DOK5: variants seen among roughly 807,000 people sequenced by gnomAD.
DOK5 encodes docking protein 5.
A neutral mutation model predicts 43.3 loss-of-function variants in DOK5; 27 were observed. The observed-to-expected ratio is 0.62, with a 90% CI of 0.46 to 0.86. The LOEUF (loss-of-function observed/expected upper bound fraction) is 0.86. Among genes scored for constraint, DOK5 ranks in the 40% least tolerant of loss-of-function variants. The pLI, the probability that DOK5 is intolerant of heterozygous loss-of-function variation, is 0.00. For missense variants in DOK5, 373 were observed against 392.9 expected, an observed-to-expected ratio of 0.95 and a Z score of 0.43; for synonymous variants, 146 against 140.1, an observed-to-expected ratio of 1.04 and a Z score of -0.30.
intron 6 of DOK5, among the ~76,000 whole-genome samples, chr20:54,632,981 G>A (rs893528770): frequency 2.6e-5 from 4 of 152,186 alleles, no homozygotes; most frequent in African/African-American, 9.7e-5. Context: ...TGAGGCAGGA[G>A]AATCGCTTGA....
At chr20:54,477,045 G>A (rs1362205864) in intron 1 of DOK5, among the ~76,000 whole-genome samples, 3 of 151,452 alleles carry the variant, frequency 2.0e-5, no homozygotes, top group Non-Finnish European at 4.4e-5. Context: ...TGGGGGTGGA[G>A]AGGTGGCGGG....
chr20:54,642,689 C>T (rs1264968780), intron 6 of DOK5, among the ~76,000 whole-genome samples: 1 of 152,008 alleles, frequency 6.6e-6, no homozygotes, highest in Non-Finnish European at 1.5e-5. Context: ...TGCTACCACA[C>T]TCCAGCCTTG....
intron 6 of DOK5, among the ~76,000 whole-genome samples, chr20:54,619,023 T>TTATATA (rs11468808): frequency 1.3e-3 from 55 of 43,366 alleles, no homozygotes; most frequent in East Asian, 2.3e-3. Flanking sequence ...TTTCAATAAA[T>TTATATA]TATATATATA....
At position 54,529,512 on chromosome 20, in the gene DOK5, C is replaced by T. The variant is rs375606090; in HGVS notation, c.67-25421C>T. Among the ~76,000 whole-genome samples the T allele has an allele frequency of 1.0e-4, 15 of 150,602 alleles. No individual in the cohort carries two copies. In the East Asian group the frequency reaches 2.5e-3, roughly 25 times the overall value. ...CATTCTGTAATTATTTTGAATTTTA[C>T]CCCCAACAACAAGTTTATAAGGGTG... On this transcript the variant is annotated intron_variant, in intron 1 of 7. Transcript: ENST00000262593.
intron 1 of DOK5, among the ~76,000 whole-genome samples, chr20:54,529,051 G>C (rs1445480064): frequency 6.6e-6 from 1 of 152,142 alleles, no homozygotes; most frequent in Non-Finnish European, 1.5e-5. Context: ...CCTGAGCAGG[G>C]AGAGACAACC....
chr20:54,560,977 T>C (rs1191079984), intron 2 of DOK5, among the ~76,000 whole-genome samples: 2 of 152,158 alleles, frequency 1.3e-5, no homozygotes, highest in Non-Finnish European at 2.9e-5. Context: ...CAGGATCCAT[T>C]CTGTTATTCA....
chr20:54,592,723 A>G (rs1346360881), intron 5 of DOK5, among the ~76,000 whole-genome samples: 1 of 151,792 alleles, frequency 6.6e-6, no homozygotes, highest in Non-Finnish European at 1.5e-5. Flanking sequence ...TTGTATTTTC[A>G]GTAGAGATGG....
chr20:54,605,231 A>G (rs1986436116), intron 5 of DOK5, among the ~76,000 whole-genome samples: 1 of 152,194 alleles, frequency 6.6e-6, no homozygotes, highest in African/African-American at 2.4e-5. Flanking sequence ...TCAAATGTTT[A>G]CTTATTCATT....
chr20:54,504,130 C>T (rs1325017257), intron 1 of DOK5, among the ~76,000 whole-genome samples: 1 of 152,144 alleles, frequency 6.6e-6, no homozygotes, highest in Non-Finnish European at 1.5e-5. Flanking sequence ...CACCTTCCCA[C>T]ATCCTACAAT....
intron 2 of DOK5, among the ~76,000 whole-genome samples, chr20:54,572,692 T>C (rs1426893585): frequency 6.6e-6 from 1 of 152,180 alleles, no homozygotes; most frequent in Non-Finnish European, 1.5e-5. Flanking sequence ...CCCCTTTTTT[T>C]TGTAGGTCTT....
At chr20:54,611,792 G>T (rs1366803578) in intron 6 of DOK5, among the ~76,000 whole-genome samples, 1 of 152,178 alleles carries the variant, frequency 6.6e-6, no homozygotes, top group Non-Finnish European at 1.5e-5. Flanking sequence ...GAAACATGTG[G>T]GGTGGTTGGA....
At chr20:54,519,170 C>T (rs1157684345) in intron 1 of DOK5, among the ~76,000 whole-genome samples, 1 of 152,192 alleles carries the variant, frequency 6.6e-6, no homozygotes, top group African/African-American at 2.4e-5. Context: ...AATGCTCCAA[C>T]ATAAGTTTGA....
rs1568798425 is a variant in DOK5 at position 54,588,807 on chromosome 20, G to A, written c.409+1G>A. 1 of 1,613,326 alleles carries A rather than the reference G, an allele frequency of 6.2e-7. No homozygotes were observed. The highest frequency in any genetic ancestry group is 8.5e-7 in the Non-Finnish European group (1 of 1,179,608). On this transcript the variant is annotated splice_donor_variant, in intron 4 of 7. Transcript: ENST00000262593. LOFTEE classifies it high-confidence loss of function. ...ACTGGGGTTGAGAGAGAACAGAGTG[G>A]TATGTAAAGAAAATTCTCTCCTCTC...
intron 6 of DOK5, among the ~76,000 whole-genome samples, chr20:54,622,118 C>G (rs1986992153): frequency 6.6e-6 from 1 of 151,650 alleles, no homozygotes; most frequent in East Asian, 1.9e-4. Flanking sequence ...CGCTTGAACC[C>G]AGGAGTCGGA....
At chr20:54,523,772 A>ATT (rs112306184) in intron 1 of DOK5, among the ~76,000 whole-genome samples, 34,133 of 151,154 alleles carry the variant, frequency 0.23, 6,159 homozygotes, top group African/African-American at 0.51. Context: ...CATTTGTCTA[A>ATT]ATGTATTTTT....
chr20:54,621,816 G>A (rs1338218682), intron 6 of DOK5, among the ~76,000 whole-genome samples: 1 of 152,152 alleles, frequency 6.6e-6, no homozygotes, highest in Non-Finnish European at 1.5e-5. Flanking sequence ...ATAAAGCCAA[G>A]CTTTAAACCC....
At chr20:54,557,295 G>A (rs1984738372) in intron 2 of DOK5, among the ~76,000 whole-genome samples, 1 of 152,190 alleles carries the variant, frequency 6.6e-6, no homozygotes, top group African/African-American at 2.4e-5. Context: ...GGCAGGATTG[G>A]TTTCGGGATG....
intron 6 of DOK5, among the ~76,000 whole-genome samples, chr20:54,631,582 A>G (rs1459811341): frequency 6.6e-6 from 1 of 152,160 alleles, no homozygotes. Context: ...GGTAATGGAT[A>G]CGGGTTGATT....
intron 5 of DOK5, among the ~76,000 whole-genome samples, chr20:54,593,511 A>C (rs1040656574): frequency 1.3e-5 from 2 of 152,188 alleles, no homozygotes; most frequent in Admixed American, 6.5e-5. Flanking sequence ...ATTTTGTGAG[A>C]ATTACTTATT....
Sources: gnomAD v4.1 joint callset for allele counts (sites outside exome capture counted in the v4.1 genomes callset) on GRCh38, gnomAD v4.1.1 for gene constraint, MANE v1.5 for transcripts, NCBI Gene and HGNC (gene_info 2026-07-23, HGNC 2026-07-21) for gene names.